NINL: variants seen among roughly 807,000 people sequenced by gnomAD.
NINL encodes ninein like.
In NINL, 153 loss-of-function variants were observed where a neutral mutation model predicts 160.3. The ratio of observed to expected loss-of-function variants is 0.95; its 90% confidence interval spans 0.84 to 1.09. The LOEUF is 1.09. Ranked by LOEUF, NINL falls within the 50% of genes least tolerant of loss-of-function variation. The pLI is 0.00. For missense variants in NINL, 1,829 were observed against 1,764.0 expected (o/e 1.04, Z -0.66); for synonymous variants, 800 against 734.8 (o/e 1.09, Z -1.43).
intron 17 of NINL, among the ~76,000 whole-genome samples, chr20:25,472,385 A>C (rs1350174585): frequency 8.4e-6 from 1 of 118,660 alleles, no homozygotes; most frequent in Admixed American, 9.6e-5. Flanking sequence ...TTTGTTTTTG[A>C]GACGGAGTTT....
rs1568922805 is a variant in NINL, at chr20:25,504,018, A to G, written c.795T>C (p.His265=). ...LEEFQLGLFS[H]EPALLLESST... ...AAGACTCTAGAAGTAGCGCGGGCTC[A>G]TGACTGAAGAGGCCAAGCTGGAATT... The change falls in exon 7 of 24, where the codon CAT becomes CAC. Residue 265 remains histidine (H), a synonymous_variant. Transcript: ENST00000278886. 4.3e-6 allele frequency: 7 copies of G among 1,613,624 alleles called. No individual in the cohort carries two copies. The highest frequency in any genetic ancestry group is 1.1e-5 in the South Asian group (1 of 90,978).
intron 2 of NINL, among the ~76,000 whole-genome samples, chr20:25,521,427 C>A (rs1057039986): frequency 2.6e-5 from 4 of 152,210 alleles, no homozygotes; most frequent in African/African-American, 9.7e-5. Flanking sequence ...TGCGGGTGTG[C>A]TTCCATTGTC....
chr20:25,478,793 C>T, intron 16 of NINL, 130 bp downstream of exon 16: 1 of 994,458 alleles, frequency 1.0e-6, no homozygotes, highest in Non-Finnish European at 1.4e-6. Flanking sequence ...TGGCACTCAC[C>T]CATCTGCCCA....
chr20:25,509,163 G>A (rs984219470), intron 5 of NINL, among the ~76,000 whole-genome samples: 3 of 152,136 alleles, frequency 2.0e-5, no homozygotes, highest in African/African-American at 7.2e-5. Context: ...GGGACCACAT[G>A]TCCTTAGTGC....
chr20:25,537,835 C>T (rs2064586810), intron 1 of NINL, among the ~76,000 whole-genome samples: 1 of 152,168 alleles, frequency 6.6e-6, no homozygotes, highest in Admixed American at 6.5e-5. Flanking sequence ...CCACAGGCCA[C>T]CATTAACGGG....
Position 25,517,854 on chromosome 20 carries a change from G to C in NINL, c.181-5C>G, listed in dbSNP as rs779598761. ...CTTAAATTCCTCAAAGTTAACCTGG[G>C]TGAATTGAAGGTGAGAGAGGACAAT... On this transcript the variant is annotated splice_polypyrimidine_tract_variant and splice_region_variant and intron_variant, in intron 2 of 23. Transcript: ENST00000278886. 4.4e-6 allele frequency: 7 copies of C among 1,586,450 alleles called. No homozygotes were observed. The South Asian group carries it at 8.1e-5, about 18-fold the overall frequency.
At chr20:25,467,601 C>T (rs1246898197) in intron 18 of NINL, 143 bp from the exon 19 acceptor site, 1 of 676,242 alleles carries the variant, frequency 1.5e-6, no homozygotes, top group South Asian at 1.6e-5. Context: ...TTCTCCAGCC[C>T]CTCTCAGTCC....
chr20:25,511,056 G>A (rs145078760), intron 4 of NINL, among the ~76,000 whole-genome samples: 1 of 152,340 alleles, frequency 6.6e-6, no homozygotes, highest in African/African-American at 2.4e-5. Context: ...AAACACTCGT[G>A]TCATAGCAGC....
At chr20:25,474,447 G>A (rs753177409) in intron 17 of NINL, among the ~76,000 whole-genome samples, 7 of 152,216 alleles carry the variant, frequency 4.6e-5, no homozygotes, top group South Asian at 2.1e-4. Context: ...GTCAGCAACC[G>A]GGTCTCTGAC....
chr20:25,485,025 C>T (rs1163230390), intron 13 of NINL, among the ~76,000 whole-genome samples: 1 of 152,146 alleles, frequency 6.6e-6, no homozygotes, highest in African/African-American at 2.4e-5. Flanking sequence ...GAACAGGAAA[C>T]ATCAGAAACA....
chr20:25,502,536 A>G (rs542826607), intron 7 of NINL, among the ~76,000 whole-genome samples: 16 of 152,218 alleles, frequency 1.1e-4, no homozygotes, highest in African/African-American at 3.9e-4. Flanking sequence ...ATCCTTTGGC[A>G]ACTGATATGG....
chr20:25,495,367 C>T (rs1019702367), intron 10 of NINL, among the ~76,000 whole-genome samples: 1 of 152,240 alleles, frequency 6.6e-6, no homozygotes, highest in South Asian at 2.1e-4. Flanking sequence ...TGCCACACCA[C>T]GTGGCTCCAT....
In NINL at chr20:25,481,957, C is replaced by A. The variant is rs753745454; in HGVS notation, c.1810+11G>T. On this transcript the variant is annotated intron_variant, in intron 14 of 23. Coordinates refer to ENST00000278886, the MANE Select transcript of NINL (RefSeq NM_025176.6). ...CCTTGGGTCAGCCCCCTCCCAGGGA[C>A]GGGCTCCTACCTGCTGGGCCGAGTC... The A allele has an allele frequency of 1.3e-6, 2 of 1,594,270 alleles. No individual in the cohort carries two copies. The highest frequency in any genetic ancestry group is 1.7e-6 in the Non-Finnish European group (2 of 1,176,410).
chr20:25,510,770 A>G (rs747078486), intron 4 of NINL, 30 bp from the exon 5 acceptor site: 1 of 1,571,506 alleles, frequency 6.4e-7, no homozygotes, highest in South Asian at 1.1e-5. Context: ...GAAGGCTGTG[A>G]GTTCCAGGGG....
At chr20:25,535,125 A>G (rs1240070065) in intron 1 of NINL, among the ~76,000 whole-genome samples, 1 of 152,230 alleles carries the variant, frequency 6.6e-6, no homozygotes, top group Non-Finnish European at 1.5e-5. Context: ...CAACATGGAT[A>G]CGCCTAGAGG....
chr20:25,478,979 G>A lies in NINL; in HGVS notation c.2145C>T (p.Cys715=), dbSNP rs1257972530. Residue 715 remains cysteine (C), a synonymous_variant, in exon 16 of 24, where the codon TGC becomes TGT. Transcript: ENST00000278886. ...GGGCCAGGCCACACAGTGCCTGGGT[G>A]CAGCAGGGTGCCAGGCCCATCTGCT... The part of the protein sequence containing the change: ...EPEQMGLAPC[C]TQALCGLALR... 2 of 1,601,576 alleles carry A rather than the reference G, an allele frequency of 1.2e-6. No homozygotes were observed. The highest frequency in any genetic ancestry group is 2.7e-5 in the African/African-American group (2 of 74,964).
intron 16 of NINL, among the ~76,000 whole-genome samples, chr20:25,477,472 G>T (rs1005469671): frequency 6.6e-6 from 1 of 152,198 alleles, no homozygotes; most frequent in African/African-American, 2.4e-5. Flanking sequence ...ACTGCAGTGG[G>T]TTCTACACGA....
chr20:25,524,554 C>T (rs1271948378), intron 2 of NINL, among the ~76,000 whole-genome samples: 1 of 152,172 alleles, frequency 6.6e-6, no homozygotes, highest in Non-Finnish European at 1.5e-5. Context: ...ATATGAGAAG[C>T]CTCAGGCCTC....
intron 1 of NINL, among the ~76,000 whole-genome samples, chr20:25,560,295 T>C (rs998925722): frequency 6.6e-6 from 1 of 152,186 alleles, no homozygotes; most frequent in African/African-American, 2.4e-5. Flanking sequence ...CAGAAGTTGG[T>C]CTGAGACTCC....
Sources: gnomAD v4.1 joint callset for allele counts (sites outside exome capture counted in the v4.1 genomes callset) on GRCh38, gnomAD v4.1.1 for gene constraint, MANE v1.5 for transcripts, NCBI Gene and HGNC (gene_info 2026-07-23, HGNC 2026-07-21) for gene names.